Variants in HDAC8 observed in about 807,000 individuals in gnomAD.
The protein encoded by HDAC8 is histone deacetylase 8.
A neutral mutation model predicts 32.2 loss-of-function variants in HDAC8; 1 was observed. That is an observed-to-expected ratio of 0.03 (90% CI 0.01 to 0.15). The LOEUF is 0.15. Among genes scored for constraint, HDAC8 ranks in the 10% least tolerant of loss-of-function variants. HDAC8 has a pLI of 1.00. For synonymous variants in HDAC8, 108 were observed against 113.9 expected, an observed-to-expected ratio of 0.95 and a Z score of 0.33; for missense variants, 117 against 300.0, an observed-to-expected ratio of 0.39 and a Z score of 4.51.
intron 9 of HDAC8, among the ~76,000 whole-genome samples, chrX:72,451,254 T>A (rs1555987326): frequency 9.1e-6 from 1 of 110,151 alleles, no homozygotes; most frequent in Non-Finnish European, 1.9e-5. Context: ...TGGAGTGCAG[T>A]GGTGTGATCT....
intron 4 of HDAC8, among the ~76,000 whole-genome samples, chrX:72,554,366 T>C (rs2051192787): frequency 1.8e-5 from 2 of 110,626 alleles, no homozygotes; most frequent in African/African-American, 3.3e-5. Context: ...GCAGGCTCCC[T>C]GAGATGCCAA....
chrX:72,565,748 A>T lies in HDAC8; in HGVS notation c.437+2141T>A, dbSNP rs1299536481. ...ACTTGCCAAGCCCAAGAGGACCTAG[A>T]AGTCTTTCGTTCAGAGAAGCTTAGC... On this transcript the variant is annotated intron_variant, in intron 4 of 10. Transcript: ENST00000373573. 1.8e-4 allele frequency among the ~76,000 whole-genome samples: 20 copies of T among 111,614 alleles called. No homozygotes were observed. In the Admixed American group the frequency reaches 1.9e-3, roughly 11 times the overall value.
intron 9 of HDAC8, among the ~76,000 whole-genome samples, chrX:72,382,710 T>G (rs1329838698): frequency 9.0e-6 from 1 of 111,465 alleles, no homozygotes; most frequent in African/African-American, 3.3e-5. Flanking sequence ...AGACAGAAAG[T>G]AGATTGGTTG....
chrX:72,542,120 C>T lies in HDAC8; in HGVS notation c.437+25769G>A, dbSNP rs150663100. ...TGTCAATTATACTTCCCAAATTACT[C>T]TCAAGTGCTATCCTTTCTTTTCACA... On this transcript the variant is annotated intron_variant, in intron 4 of 10. Transcript: ENST00000373573. 1.2e-3 allele frequency among the ~76,000 whole-genome samples: 136 copies of T among 112,512 alleles called. 1 individual carries two copies. The highest frequency in any genetic ancestry group is 2.1e-3 in the Non-Finnish European group (113 of 53,325).
At chrX:72,418,057 A>C (rs1457360647) in intron 9 of HDAC8, among the ~76,000 whole-genome samples, 2 of 111,994 alleles carry the variant, frequency 1.8e-5, no homozygotes, top group Admixed American at 9.5e-5. Context: ...TACAAAAATT[A>C]ACTCAAAATG....
chrX:72,458,012 A>C (rs1555990276), intron 9 of HDAC8, among the ~76,000 whole-genome samples: 2 of 111,109 alleles, frequency 1.8e-5, no homozygotes, highest in African/African-American at 3.3e-5. Flanking sequence ...ACACACACAC[A>C]CCCCAGCCCT....
At chrX:72,502,648 C>T (rs1287726341) in intron 4 of HDAC8, among the ~76,000 whole-genome samples, 1 of 111,257 alleles carries the variant, frequency 9.0e-6, no homozygotes, top group African/African-American at 3.3e-5. Context: ...TTTGGCCGGG[C>T]GTGGTGGCTC....
intron 9 of HDAC8, among the ~76,000 whole-genome samples, chrX:72,460,634 T>G (rs2047842123): frequency 8.9e-6 from 1 of 111,944 alleles, no homozygotes; most frequent in African/African-American, 3.2e-5. Context: ...TTATTAAAAT[T>G]TTATCAATCT....
chrX:72,353,970 C>T (rs183691272), intron 9 of HDAC8, among the ~76,000 whole-genome samples: 8 of 112,023 alleles, frequency 7.1e-5, no homozygotes, highest in East Asian at 2.8e-4. Flanking sequence ...TGGAACAACA[C>T]GTCCTCACTT....
chrX:72,355,822 G>A (rs782448529), intron 9 of HDAC8, among the ~76,000 whole-genome samples: 5 of 111,965 alleles, frequency 4.5e-5, no homozygotes, highest in East Asian at 2.8e-4. Context: ...ACCAAGCAAC[G>A]AACCTGAATC....
At chrX:72,425,481 C>T (rs2046613495) in intron 9 of HDAC8, among the ~76,000 whole-genome samples, 1 of 111,691 alleles carries the variant, frequency 9.0e-6, no homozygotes, top group South Asian at 3.8e-4. Context: ...TCCATGGGTG[C>T]TTTAAAAGAA....
chrX:72,375,360 A>C (rs868923728), intron 9 of HDAC8, among the ~76,000 whole-genome samples: 55 of 112,056 alleles, frequency 4.9e-4, no homozygotes, highest in African/African-American at 1.7e-3. Context: ...GGCTGAGAAG[A>C]CTTTTGACCT....
chrX:72,450,454 C>T (rs1298369653), intron 9 of HDAC8, among the ~76,000 whole-genome samples: 1 of 112,073 alleles, frequency 8.9e-6, no homozygotes, highest in African/African-American at 3.2e-5. Context: ...GTACCAATGT[C>T]AATTTCCTGG....
chrX:72,453,509 A>AAAGAAAGAAAGAAAGAAAGG (rs1555988535), intron 9 of HDAC8, among the ~76,000 whole-genome samples: 1 of 110,275 alleles, frequency 9.1e-6, no homozygotes, highest in Non-Finnish European at 1.9e-5. Flanking sequence ...AGAAAGAAAG[A>AAAGAAAGAAAGAAAGAAAGG]AAGAAAGAAA....
intron 9 of HDAC8, among the ~76,000 whole-genome samples, chrX:72,442,728 GAC>G (rs1294389679): frequency 8.9e-6 from 1 of 111,877 alleles, no homozygotes; most frequent in Admixed American, 9.5e-5. Context: ...CCAATTAAAA[GAC>G]ACAGACTGGC....
rs782112301 is a variant in HDAC8 at position 72,572,735 on chromosome X, G to C, written c.27C>G (p.Asp9Glu). 8.3e-7 allele frequency: 1 copy of C among 1,209,941 alleles called. No individual in the cohort carries two copies. The highest frequency in any genetic ancestry group is 1.1e-6 in the Non-Finnish European group (1 of 894,551). The change falls in exon 1 of 11, where the codon GAC becomes GAG. Residue 9 changes from aspartate to glutamate, a missense_variant. Transcript: ENST00000373573. ...AAACCGGGACCAGCGACTGCCCACT[G>C]TCCGCCGGTTCCTCCGGCTCCTCCA... MEEPEEPA[D>E]SGQSLVPVYI...
intron 9 of HDAC8, among the ~76,000 whole-genome samples, chrX:72,432,588 T>C (rs1385347557): frequency 1.8e-5 from 2 of 110,033 alleles, no homozygotes; most frequent in Admixed American, 1.9e-4. Context: ...GAGTCTTTCT[T>C]ACCCCTGAAG....
intron 9 of HDAC8, among the ~76,000 whole-genome samples, chrX:72,385,733 A>G (rs961166607): frequency 3.6e-5 from 4 of 111,869 alleles, no homozygotes. Context: ...TTTAATCCAC[A>G]CAACAACCCT....
intron 9 of HDAC8, among the ~76,000 whole-genome samples, chrX:72,437,091 T>C (rs1298561460): frequency 3.6e-5 from 4 of 112,033 alleles, no homozygotes; most frequent in African/African-American, 1.3e-4. Context: ...GCTCCCAGCA[T>C]GATCAACGCA....
Sources: allele counts gnomAD v4.1 joint callset (sites outside exome capture counted in the v4.1 genomes callset), GRCh38; gene constraint gnomAD v4.1.1; transcripts MANE v1.5; gene names NCBI Gene and HGNC (gene_info 2026-07-23, HGNC 2026-07-21).